Variants in KIAA1217 observed in about 807,000 individuals in gnomAD.
The protein encoded by KIAA1217 is KIAA1217.
Under a neutral mutation model 163.9 loss-of-function variants are expected in KIAA1217, and 88 were observed. That is an observed-to-expected ratio of 0.54 (90% confidence interval 0.45 to 0.64). The LOEUF is 0.64. Ranked by LOEUF, KIAA1217 falls within the 30% of genes least tolerant of loss-of-function variation. KIAA1217 has a pLI of 0.00. For missense variants in KIAA1217, 2,372 were observed against 2,475.0 expected, an observed-to-expected ratio of 0.96 and a Z score of 0.88; for synonymous variants, 903 against 923.1, an observed-to-expected ratio of 0.98 and a Z score of 0.39.
At chr10:24,431,951 T>G (rs2059633053) in intron 3 of KIAA1217, among the ~76,000 whole-genome samples, 1 of 152,152 alleles carries the variant, frequency 6.6e-6, no homozygotes, top group Non-Finnish European at 1.5e-5. Flanking sequence ...ACAGAAATCT[T>G]GTTGCATTTC....
At chr10:24,400,411 G>A (rs2056387583) in intron 3 of KIAA1217, among the ~76,000 whole-genome samples, 1 of 152,176 alleles carries the variant, frequency 6.6e-6, no homozygotes, top group South Asian at 2.1e-4. Context: ...AAGAGGTCCT[G>A]CCTGTCATAG....
chr10:24,475,515 T>A (rs1331014706), intron 6 of KIAA1217, among the ~76,000 whole-genome samples: 1 of 152,160 alleles, frequency 6.6e-6, no homozygotes, highest in Non-Finnish European at 1.5e-5. Flanking sequence ...AGAAAGAACA[T>A]GAAAGTTCTG....
At chr10:24,535,491 T>C (rs1296323047) in intron 16 of KIAA1217, among the ~76,000 whole-genome samples, 1 of 152,168 alleles carries the variant, frequency 6.6e-6, no homozygotes, top group Admixed American at 6.5e-5. Flanking sequence ...TAAGTGGTCT[T>C]TCACCAGGCA....
intron 1 of KIAA1217, among the ~76,000 whole-genome samples, chr10:23,765,641 T>A (rs142945591): frequency 9.2e-5 from 14 of 152,286 alleles, no homozygotes; most frequent in African/African-American, 3.4e-4. Flanking sequence ...CATGCTGTTC[T>A]CATGACCGTG....
At chr10:23,770,025 T>C (rs1834724191) in intron 1 of KIAA1217, among the ~76,000 whole-genome samples, 1 of 152,208 alleles carries the variant, frequency 6.6e-6, no homozygotes, top group South Asian at 2.1e-4. Flanking sequence ...CAGACCTAAT[T>C]AACTGGTAAT....
intron 2 of KIAA1217, among the ~76,000 whole-genome samples, chr10:24,066,279 A>G (rs1288412214): frequency 6.6e-6 from 1 of 152,112 alleles, no homozygotes; most frequent in East Asian, 1.9e-4. Flanking sequence ...AGTGGCTGGT[A>G]CCAGTTGTTC....
intron 1 of KIAA1217, among the ~76,000 whole-genome samples, chr10:23,746,441 C>T (rs1473777102): frequency 6.6e-6 from 1 of 151,846 alleles, no homozygotes; most frequent in Non-Finnish European, 1.5e-5. Context: ...TTTATTTTTT[C>T]GAGACAGAGT....
intron 6 of KIAA1217, chr10:24,481,124 T>TTATTGAGC (rs1242647722): frequency 3.9e-5 from 6 of 152,298 alleles, no homozygotes; most frequent in Admixed American, 6.5e-5. Flanking sequence ...CAATAAATGT[T>TTATTGAGC]TATTGAGCTG....
At chr10:24,103,715 C>T (rs907668017) in intron 2 of KIAA1217, among the ~76,000 whole-genome samples, 1 of 152,090 alleles carries the variant, frequency 6.6e-6, no homozygotes, top group Non-Finnish European at 1.5e-5. Flanking sequence ...TTAGAATGGA[C>T]AAAATCCAGA....
At chr10:24,173,346 A>G (rs2065720426) in intron 2 of KIAA1217, among the ~76,000 whole-genome samples, 1 of 152,188 alleles carries the variant, frequency 6.6e-6, no homozygotes, top group African/African-American at 2.4e-5. Context: ...ATAATTTTTC[A>G]TTATATATTA....
intron 1 of KIAA1217, among the ~76,000 whole-genome samples, chr10:24,210,691 T>C (rs1404731511): frequency 6.6e-6 from 1 of 152,160 alleles, no homozygotes; most frequent in African/African-American, 2.4e-5. Flanking sequence ...TCAGTGAATA[T>C]TGAGCATCTG....
chr10:23,903,274 A>C (rs1364330864), intron 1 of KIAA1217, among the ~76,000 whole-genome samples: 1 of 152,098 alleles, frequency 6.6e-6, no homozygotes. Flanking sequence ...TGATTCTATA[A>C]TAGATATTTT....
chr10:24,354,822 G>T (rs1456014288), intron 2 of KIAA1217, among the ~76,000 whole-genome samples: 1 of 152,136 alleles, frequency 6.6e-6, no homozygotes, highest in Admixed American at 6.5e-5. Flanking sequence ...GGATAGGGAG[G>T]CATGGCAGAC....
chr10:24,161,846 C>A (rs949975451), intron 2 of KIAA1217, among the ~76,000 whole-genome samples: 1 of 152,188 alleles, frequency 6.6e-6, no homozygotes, highest in Admixed American at 6.5e-5. Context: ...GAATGTAGAA[C>A]CAAGCTCAGC....
At chr10:24,520,068 T>G in intron 10 of KIAA1217, 55 bp from the exon 11 acceptor site, 2 of 1,556,052 alleles carry the variant, frequency 1.3e-6, no homozygotes, top group Non-Finnish European at 1.7e-6. Context: ...GCCCCTCCTC[T>G]TCCTCTGTGA....
chr10:23,818,110 CATATATAT>C (rs71397919), intron 1 of KIAA1217, among the ~76,000 whole-genome samples: 106 of 130,832 alleles, frequency 8.1e-4, no homozygotes, highest in African/African-American at 3.2e-3. Flanking sequence ...CACACACACA[CATATATAT>C]ATATACTCAC....
chr10:24,339,568 A>G (rs1272593880), intron 2 of KIAA1217, among the ~76,000 whole-genome samples: 1 of 152,228 alleles, frequency 6.6e-6, no homozygotes, highest in Non-Finnish European at 1.5e-5. Context: ...TTTGTCAAAT[A>G]TCCACTGTGA....
rs192813734 is a variant in KIAA1217, at chr10:23,939,778, C to T, written c.-320-67447C>T. On this transcript the variant is annotated intron_variant, in intron 1 of 18. Transcript: ENST00000376462. ...CAACTAAATTGACCTAAGGAACATA[C>T]ATAAAACATTCTTCCCAAAAACAGA... Among the ~76,000 whole-genome samples the T allele has an allele frequency of 2.1e-3, 316 of 151,564 alleles. 3 individuals are homozygous for T. Among genetic ancestry groups the T allele is most frequent in the African/African-American group, 7.3e-3 (303 of 41,454 alleles).
chr10:24,246,596 T>C (rs1219856325), intron 2 of KIAA1217, among the ~76,000 whole-genome samples: 1 of 152,254 alleles, frequency 6.6e-6, no homozygotes, highest in Non-Finnish European at 1.5e-5. Context: ...CCAAGTTATA[T>C]TTAGTAAACA....
Sources: allele counts gnomAD v4.1 joint callset (sites outside exome capture counted in the v4.1 genomes callset), GRCh38; gene constraint gnomAD v4.1.1; transcripts MANE v1.5; gene names NCBI Gene and HGNC (gene_info 2026-07-23, HGNC 2026-07-21).